MAPK10: variants seen among roughly 807,000 people sequenced by gnomAD.
The protein encoded by MAPK10 is mitogen-activated protein kinase 10.
Under a neutral mutation model 59.3 loss-of-function variants are expected in MAPK10, and 25 were observed. That is an observed-to-expected ratio of 0.42 (90% CI 0.31 to 0.59). The LOEUF (loss-of-function observed/expected upper bound fraction) is 0.59, where lower values mean the gene tolerates loss of function less well. Ranked by LOEUF, MAPK10 falls within the 20% of genes least tolerant of loss-of-function variation. MAPK10 has a pLI of 0.15. For missense variants in MAPK10, 351 were observed against 568.9 expected, an observed-to-expected ratio of 0.62 and a Z score of 3.90; for synonymous variants, 190 against 200.5, an observed-to-expected ratio of 0.95 and a Z score of 0.44.
At chr4:86,344,279 A>C (rs1175074145) in intron 2 of MAPK10, among the ~76,000 whole-genome samples, 1 of 152,098 alleles carries the variant, frequency 6.6e-6, no homozygotes, top group African/African-American at 2.4e-5. Context: ...GGCACATGTC[A>C]CCACACTCTG....
At chr4:86,460,441 C>A (rs913745303) in intron 1 of MAPK10, among the ~76,000 whole-genome samples, 4 of 152,078 alleles carry the variant, frequency 2.6e-5, no homozygotes, top group Non-Finnish European at 5.9e-5. Flanking sequence ...TACATGGGAA[C>A]TGGATATGTG....
intron 1 of MAPK10, among the ~76,000 whole-genome samples, chr4:86,584,954 A>G (rs1383730218): frequency 6.6e-6 from 1 of 152,212 alleles, no homozygotes; most frequent in Non-Finnish European, 1.5e-5. Flanking sequence ...AATAATATCC[A>G]ATCCAGGACT....
chr4:86,117,793 G>A (rs1220378855), intron 4 of MAPK10: 1 of 152,198 alleles, frequency 6.6e-6, no homozygotes, highest in Non-Finnish European at 1.5e-5. Context: ...TCCTGGTTAA[G>A]AGGAGGAGTG....
At chr4:86,183,171 G>A (rs2077306231) in intron 3 of MAPK10, among the ~76,000 whole-genome samples, 1 of 151,702 alleles carries the variant, frequency 6.6e-6, no homozygotes, top group Admixed American at 6.6e-5. Context: ...TAAGTTTTAG[G>A]GTACATGTGC....
intron 2 of MAPK10, among the ~76,000 whole-genome samples, chr4:86,319,983 T>C (rs2095858525): frequency 6.6e-6 from 1 of 152,230 alleles, no homozygotes. Context: ...CTTCTCAGTC[T>C]CTGCTGCAGA....
intron 1 of MAPK10, among the ~76,000 whole-genome samples, chr4:86,535,423 T>C (rs1351712440): frequency 1.3e-5 from 2 of 152,214 alleles, no homozygotes; most frequent in Non-Finnish European, 2.9e-5. Flanking sequence ...ATATATTTTT[T>C]GAGACAAACT....
chr4:86,250,907 G>C (rs1260420410), intron 2 of MAPK10, among the ~76,000 whole-genome samples: 1 of 152,172 alleles, frequency 6.6e-6, no homozygotes, highest in Non-Finnish European at 1.5e-5. Context: ...TGTTGTAACA[G>C]TTGAAATCAT....
chr4:86,592,921 T>C (rs1459463329), intron 1 of MAPK10, among the ~76,000 whole-genome samples: 1 of 152,222 alleles, frequency 6.6e-6, no homozygotes, highest in Non-Finnish European at 1.5e-5. Context: ...TCTCAAATTG[T>C]TTCAAGAGTG....
intron 9 of MAPK10, among the ~76,000 whole-genome samples, chr4:86,076,611 A>T (rs1413823358): frequency 6.6e-6 from 1 of 152,214 alleles, no homozygotes; most frequent in Non-Finnish European, 1.5e-5. Flanking sequence ...ACTCCCTTAA[A>T]GAATGTTTCT....
At chr4:86,572,499 G>C (rs1490949647) in intron 1 of MAPK10, among the ~76,000 whole-genome samples, 1 of 152,114 alleles carries the variant, frequency 6.6e-6, no homozygotes, top group East Asian at 1.9e-4. Flanking sequence ...TGTGTTCATG[G>C]GGTATCTCCA....
At chr4:86,167,399 G>A (rs1010989481) in intron 3 of MAPK10, among the ~76,000 whole-genome samples, 13 of 152,094 alleles carry the variant, frequency 8.5e-5, no homozygotes, top group African/African-American at 3.1e-4. Context: ...ACCAAAATCT[G>A]GCAGAGACAT....
chr4:86,561,714 ATAAT>A (rs936281309), intron 1 of MAPK10, among the ~76,000 whole-genome samples: 9 of 152,258 alleles, frequency 5.9e-5, no homozygotes, highest in African/African-American at 2.2e-4. Flanking sequence ...GATGAAACAG[ATAAT>A]TAAGGAGGTT....
intron 1 of MAPK10, among the ~76,000 whole-genome samples, chr4:86,465,093 C>T (rs1278673509): frequency 1.3e-5 from 2 of 152,200 alleles, no homozygotes; most frequent in African/African-American, 2.4e-5. Context: ...AGTTAATCCT[C>T]GAGGATTGGA....
intron 1 of MAPK10, among the ~76,000 whole-genome samples, chr4:86,443,858 C>T (rs563878274): frequency 1.3e-5 from 2 of 151,868 alleles, no homozygotes; most frequent in South Asian, 2.1e-4. Context: ...AGGGCACAAA[C>T]GGAAAAAGTA....
At chr4:86,295,719 A>G (rs916906534) in intron 2 of MAPK10, among the ~76,000 whole-genome samples, 4 of 147,656 alleles carry the variant, frequency 2.7e-5, no homozygotes, top group African/African-American at 9.8e-5. Context: ...ATGTCTTTAT[A>G]TATGAATATA....
At chr4:86,393,243 T>C (rs762000828) in intron 1 of MAPK10, among the ~76,000 whole-genome samples, 14 of 152,220 alleles carry the variant, frequency 9.2e-5, no homozygotes, top group Non-Finnish European at 1.9e-4. Flanking sequence ...CAGTATAGCA[T>C]GTTGATATTT....
chr4:86,440,939 TA>T (rs1749342095), intron 1 of MAPK10, among the ~76,000 whole-genome samples: 1 of 152,144 alleles, frequency 6.6e-6, no homozygotes, highest in African/African-American at 2.4e-5. Context: ...ATTGCTTTAG[TA>T]ATGGGGAAGG....
chr4:86,202,069 T>C (rs78029584), intron 2 of MAPK10, among the ~76,000 whole-genome samples: 1 of 151,910 alleles, frequency 6.6e-6, no homozygotes, highest in East Asian at 1.9e-4. Flanking sequence ...TACCAAAAAG[T>C]TACTTTGTAT....
chr4:86,467,964 T>G (rs7658485), intron 1 of MAPK10, among the ~76,000 whole-genome samples: 1 of 152,030 alleles, frequency 6.6e-6, no homozygotes, highest in Non-Finnish European at 1.5e-5. Context: ...GATACAGACA[T>G]TCTAAATTCC....
Sources: gnomAD v4.1 joint callset for allele counts (sites outside exome capture counted in the v4.1 genomes callset) on GRCh38, gnomAD v4.1.1 for gene constraint, MANE v1.5 for transcripts, NCBI Gene and HGNC (gene_info 2026-07-23, HGNC 2026-07-21) for gene names.